RHPN2: variants seen among roughly 807,000 people sequenced by gnomAD.
The protein encoded by RHPN2 is rhophilin Rho GTPase binding protein 2.
Under a neutral mutation model 79.0 loss-of-function variants are expected in RHPN2, and 40 were observed. The observed-to-expected ratio is 0.51, with a 90% CI of 0.39 to 0.66. RHPN2 has a LOEUF of 0.66. Ranked by LOEUF, RHPN2 falls within the 30% of genes least tolerant of loss-of-function variation. The pLI, the probability that RHPN2 is intolerant of heterozygous loss-of-function variation, is 0.00. For synonymous variants in RHPN2, 285 were observed against 363.5 expected (o/e 0.78, Z 2.46); for missense variants, 686 against 883.5 (o/e 0.78, Z 2.83).
At chr19:32,999,548 C>A (rs1432559328) in intron 10 of RHPN2, 38 bp downstream of exon 10, 1 of 1,599,940 alleles carries the variant, frequency 6.3e-7, no homozygotes. Flanking sequence ...AGCTGGGCAC[C>A]AAGTGGGGCC....
chr19:32,982,988 C>T (rs1971586109), intron 14 of RHPN2, among the ~76,000 whole-genome samples: 1 of 151,560 alleles, frequency 6.6e-6, no homozygotes. Flanking sequence ...TCCCCCAAGA[C>T]CAAGCCCTTC....
intron 3 of RHPN2, among the ~76,000 whole-genome samples, chr19:33,025,870 G>A (rs1568319444): frequency 6.6e-6 from 1 of 152,172 alleles, no homozygotes; most frequent in Non-Finnish European, 1.5e-5. Context: ...TCTATGAAAT[G>A]TGACTACGCG....
chr19:32,994,787 C>T (rs977783844), intron 11 of RHPN2, among the ~76,000 whole-genome samples: 10 of 151,970 alleles, frequency 6.6e-5, no homozygotes, highest in African/African-American at 2.4e-4. Flanking sequence ...CATGATGAAA[C>T]CCCATCTCTA....
In RHPN2 at chr19:32,991,830, G is replaced by A. The variant is rs1971662069; in HGVS notation, c.1637C>T (p.Ser546Phe). 3 of 1,613,868 alleles carry A rather than the reference G, an allele frequency of 1.9e-6. No individual in the cohort carries two copies. The South Asian group carries it at 3.3e-5, about 18-fold the overall frequency. The change falls in exon 13 of 15, where the codon TCT becomes TTT. Residue 546 changes from serine to phenylalanine, a missense_variant. Coordinates refer to ENST00000254260, the MANE Select transcript of RHPN2 (RefSeq NM_033103.5). Reference sequence around the variant, plus strand: ...AGAAAAGCATGTGCTTACCGAGGCAGAGCAGTAAGGATCCAGGAAGTGAAC... The same window carrying A: ...AGAAAAGCATGTGCTTACCGAGGCAAAGCAGTAAGGATCCAGGAAGTGAAC... Reference protein sequence around the residue: ...VQVHFLDPYCSASVAGAREGD... With the variant: ...VQVHFLDPYCFASVAGAREGD...
intron 10 of RHPN2, 89 bp downstream of exon 10, chr19:32,999,497 C>T: frequency 2.0e-6 from 3 of 1,527,092 alleles, no homozygotes; most frequent in Non-Finnish European, 2.7e-6. Flanking sequence ...TCTCCCGGGC[C>T]CTCTTCAGGG....
chr19:33,046,003 C>G (rs1452314122), intron 1 of RHPN2, among the ~76,000 whole-genome samples: 2 of 152,108 alleles, frequency 1.3e-5, no homozygotes, highest in African/African-American at 4.8e-5. Context: ...CAAGGTTTAT[C>G]CAGGTTGTAG....
At chr19:32,980,756 C>T (rs3855674) in intron 14 of RHPN2, among the ~76,000 whole-genome samples, 36,254 of 152,052 alleles carry the variant, frequency 0.24, 4,635 homozygotes, top group East Asian at 0.36. Context: ...TGGGCTCAAG[C>T]GATCTTCCTG....
rs1330561498 is a variant in RHPN2 at position 33,002,361 on chromosome 19, C to T, written c.991G>A (p.Ala331Thr). The T allele has an allele frequency of 1.2e-6, 2 of 1,613,820 alleles. No individual in the cohort carries two copies. The highest frequency in any genetic ancestry group is 1.3e-5 in the African/African-American group (1 of 74,918). Residue 331 changes from alanine to threonine, a missense_variant, in exon 9 of 15, where the codon GCG (alanine) becomes ACG (threonine). Transcript: ENST00000254260. ...TAGGGGATGTTCTCTTTCACCGGCG[C>T]CTGGCTCATGGCTGCGTGTAGCTGT... Reference protein sequence around the residue: ...YQQLHAAMSQAPVKENIPYSW... With the variant: ...YQQLHAAMSQTPVKENIPYSW...
At chr19:32,994,250 G>T (rs1273950974) in intron 11 of RHPN2, among the ~76,000 whole-genome samples, 197 bp from the exon 12 acceptor site, 1 of 151,990 alleles carries the variant, frequency 6.6e-6, no homozygotes, top group East Asian at 1.9e-4. Context: ...ACAAAAATTA[G>T]CCAGGTATGG....
chr19:32,983,349 A>G (rs1251562220), intron 14 of RHPN2, among the ~76,000 whole-genome samples: 1 of 151,754 alleles, frequency 6.6e-6, no homozygotes, highest in African/African-American at 2.4e-5. Context: ...TGTCTCTACT[A>G]AAAATACAAA....
chr19:32,986,767 C>G (rs1971615788), intron 14 of RHPN2, among the ~76,000 whole-genome samples: 1 of 145,696 alleles, frequency 6.9e-6, no homozygotes, highest in South Asian at 2.2e-4. Context: ...GCACTCCAGC[C>G]TAGGAAATAG....
At chr19:33,026,758 T>C in intron 2 of RHPN2, 126 bp from the exon 3 acceptor site, 1 of 1,121,108 alleles carries the variant, frequency 8.9e-7, no homozygotes, top group Non-Finnish European at 1.3e-6. Flanking sequence ...GCCAGGAGTG[T>C]CGGTTAAGGT....
intron 14 of RHPN2, among the ~76,000 whole-genome samples, chr19:32,981,895 A>G (rs1349445283): frequency 4.6e-5 from 7 of 151,498 alleles, no homozygotes; most frequent in Admixed American, 3.3e-4. Flanking sequence ...AACACTCTCT[A>G]CTATTAACTT....
intron 4 of RHPN2, among the ~76,000 whole-genome samples, chr19:33,013,068 G>A (rs796946292): frequency 2.0e-5 from 3 of 151,778 alleles, no homozygotes; most frequent in African/African-American, 7.3e-5. Context: ...TAGAGACAGA[G>A]TTTCACCATG....
rs1971549612 is a variant in RHPN2 at position 32,978,622 on chromosome 19, G to A, written c.*1374C>T. 1 of 152,628 alleles carries A rather than the reference G, an allele frequency of 6.6e-6. No individual in the cohort carries two copies. Among genetic ancestry groups the A allele is most frequent in the Admixed American group, 6.5e-5 (1 of 15,274 alleles). 9.5% of individuals were successfully genotyped at this position (152,628 alleles called of 1,614,324 possible). A position where few individuals can be genotyped will look rare whatever the true frequency, so the allele number is the denominator to read the frequency against. Reference sequence around the variant, plus strand: ...TAAATGAATATGTTTATTTAAATATGTATACAAGCATGGCCCTAGGAGCAG... The same window carrying A: ...TAAATGAATATGTTTATTTAAATATATATACAAGCATGGCCCTAGGAGCAG... On this transcript the variant is annotated 3_prime_UTR_variant, in exon 15 of 15. Transcript: ENST00000254260.
chr19:33,008,022 C>T lies in RHPN2; in HGVS notation c.752G>A (p.Arg251Lys), dbSNP rs759341920. The change falls in exon 7 of 15, where the codon AGA (arginine) becomes AAA (lysine). Residue 251 changes from arginine to lysine, a missense_variant. Physicochemically the swap from Arg to Lys is conservative, Grantham distance 26. Coordinates refer to ENST00000254260, the MANE Select transcript of RHPN2 (RefSeq NM_033103.5). Reference sequence around the variant, plus strand: ...CCCTGGAGGAGACATACCTGCGGCTCTCTGAAAGGCATCTATGGCACTCTC... The same window carrying T: ...CCCTGGAGGAGACATACCTGCGGCTTTCTGAAAGGCATCTATGGCACTCTC... ...GLESAIDAFQRAAGVLNYLKD... is the reference protein window; with the variant it reads ...GLESAIDAFQKAAGVLNYLKD... The T allele has an allele frequency of 1.6e-5, 26 of 1,612,258 alleles. No homozygotes were observed. The South Asian group carries it at 2.9e-4, about 18-fold the overall frequency.
At chr19:32,988,587 CCTT>C (rs759616723) in intron 14 of RHPN2, among the ~76,000 whole-genome samples, 20 of 145,628 alleles carry the variant, frequency 1.4e-4, no homozygotes, top group Non-Finnish European at 2.1e-4. Context: ...GCCAAGGCCT[CCTT>C]CTTACCTCAC....
At position 33,026,204 on chromosome 19, in the gene RHPN2, T is replaced by A. The variant is rs1329269136; in HGVS notation, c.314+300A>T. Among the ~76,000 whole-genome samples the A allele has an allele frequency of 2.0e-5, 3 of 151,984 alleles. No homozygotes were observed. In the East Asian group the frequency reaches 5.8e-4, roughly 29 times the overall value. ...CGGGGTTTCACCATGTTGGCCAGACTGACCTCAGGTGATCCACCCGCCTCA... is the reference window on the plus strand; with the variant it reads ...CGGGGTTTCACCATGTTGGCCAGACAGACCTCAGGTGATCCACCCGCCTCA... On this transcript the variant is annotated intron_variant, in intron 3 of 14. Transcript: ENST00000254260.
chr19:33,052,578 C>G (rs1294421590), intron 1 of RHPN2, among the ~76,000 whole-genome samples: 1 of 152,260 alleles, frequency 6.6e-6, no homozygotes, highest in African/African-American at 2.4e-5. Flanking sequence ...GTTTATAAGT[C>G]AGCCAGAGCA....
Sources: allele counts gnomAD v4.1 joint callset (sites outside exome capture counted in the v4.1 genomes callset), GRCh38; gene constraint gnomAD v4.1.1; transcripts MANE v1.5; gene names NCBI Gene and HGNC (gene_info 2026-07-23, HGNC 2026-07-21).